Variants in FSD1 observed in about 807,000 individuals in gnomAD.
FSD1 encodes the protein fibronectin type III and SPRY domain containing 1.
In FSD1, 23 loss-of-function variants were observed where a neutral mutation model predicts 58.2. The ratio of observed to expected loss-of-function variants is 0.40; its 90% CI spans 0.28 to 0.56. The LOEUF (loss-of-function observed/expected upper bound fraction) is 0.56. FSD1 is among the 20% of genes least tolerant of loss of function. The pLI is 0.54. For missense variants in FSD1, 563 were observed against 670.8 expected (o/e 0.84, Z 1.78); for synonymous variants, 265 against 263.4 (o/e 1.01, Z -0.06).
intron 8 of FSD1, among the ~76,000 whole-genome samples, chr19:4,317,660 G>T (rs546363724): frequency 1.3e-5 from 2 of 152,286 alleles, no homozygotes; most frequent in East Asian, 3.9e-4. Context: ...CCCTTGTGCT[G>T]TAGCCCAGCC....
chr19:4,319,421 T>G (rs1971790600), intron 10 of FSD1, among the ~76,000 whole-genome samples: 1 of 152,168 alleles, frequency 6.6e-6, no homozygotes. Flanking sequence ...AGCATAAGAA[T>G]GATTGGATCC....
intron 10 of FSD1, among the ~76,000 whole-genome samples, chr19:4,321,514 G>C (rs1340737833): frequency 6.6e-6 from 1 of 151,282 alleles, no homozygotes; most frequent in Non-Finnish European, 1.5e-5. Flanking sequence ...GGACTGAGGA[G>C]TATCTGGGGG....
intron 9 of FSD1, 104 bp from the exon 10 acceptor site, chr19:4,318,768 A>T: frequency 1.1e-6 from 1 of 936,052 alleles, no homozygotes; most frequent in Non-Finnish European, 1.8e-6. Context: ...CCAGAGATTG[A>T]CCCAACATCC....
intron 10 of FSD1, among the ~76,000 whole-genome samples, chr19:4,319,456 G>A (rs1362508099): frequency 1.3e-5 from 2 of 152,170 alleles, no homozygotes; most frequent in Non-Finnish European, 2.9e-5. Flanking sequence ...TGGAGTTGGT[G>A]GAGGATGGGC....
At chr19:4,315,371 C>G (rs1379821292) in intron 7 of FSD1, among the ~76,000 whole-genome samples, 13 of 133,482 alleles carry the variant, frequency 9.7e-5, no homozygotes, top group Admixed American at 5.9e-4. Flanking sequence ...TGCAGTGGTG[C>G]TATCTCGGCT....
chr19:4,312,682 G>C (rs190223243), intron 7 of FSD1, among the ~76,000 whole-genome samples: 1 of 151,958 alleles, frequency 6.6e-6, no homozygotes, highest in Non-Finnish European at 1.5e-5. Context: ...GTGTGCACCT[G>C]TAGTCCCAGC....
intron 4 of FSD1, among the ~76,000 whole-genome samples, chr19:4,308,280 C>T (rs193183537): frequency 3.2e-3 from 481 of 152,152 alleles, no homozygotes; most frequent in Non-Finnish European, 4.9e-3. Flanking sequence ...TGGTGGTGGG[C>T]GCCTGTAATC....
intron 7 of FSD1, 91 bp from the exon 8 acceptor site, chr19:4,317,090 TG>T: frequency 1.3e-6 from 1 of 777,544 alleles, no homozygotes; most frequent in South Asian, 1.4e-5. Context: ...AGAATGGCGT[TG>T]GGAATCACTG....
chr19:4,306,220 A>C lies in FSD1; in HGVS notation c.134A>C (p.Glu45Ala). Residue 45 changes from glutamate to alanine, a missense_variant, in exon 3 of 13, where the codon GAG becomes GCG. By Grantham distance (107) the Glu-to-Ala change is moderately radical (BLOSUM62 -1). Coordinates refer to ENST00000221856, the MANE Select transcript of FSD1 (RefSeq NM_024333.3). ...CAGGCGAACTCGGCGAAGGTGCAGG[A>C]GGACCTCGAAGCAGAGTTCCAGTCC... ...NVEANSAKVQ[E>A]DLEAEFQSLF... The C allele has an allele frequency of 6.2e-7, 1 of 1,614,072 alleles. No individual in the cohort carries two copies. Among genetic ancestry groups the C allele is most frequent in the Non-Finnish European group, 8.5e-7 (1 of 1,179,986 alleles).
intron 4 of FSD1, 95 bp downstream of exon 4, chr19:4,308,078 A>T: frequency 1.1e-6 from 1 of 946,426 alleles, no homozygotes; most frequent in Non-Finnish European, 1.6e-6. Flanking sequence ...AGTATAGCCC[A>T]CCCATGCGAT....
chr19:4,310,995 G>C (rs12977296), intron 6 of FSD1: 13,739 of 167,408 alleles, frequency 0.082, 749 homozygotes, highest in Non-Finnish European at 0.11. Flanking sequence ...CTGTGGGGGT[G>C]GGGTATTCAT....
intron 3 of FSD1, 22 bp downstream of exon 3, chr19:4,306,351 C>G (rs372068480): frequency 6.5e-5 from 105 of 1,612,184 alleles, no homozygotes; most frequent in Non-Finnish European, 8.5e-5. Context: ...GGGCATCTTC[C>G]TCTCCCCCCG....
chr19:4,321,941 T>G (rs1462202431), intron 10 of FSD1, among the ~76,000 whole-genome samples: 2 of 138,716 alleles, frequency 1.4e-5, no homozygotes, highest in Admixed American at 1.4e-4. Context: ...AATAGCTGGG[T>G]CCCCAAGAAG....
At position 4,306,273 on chromosome 19, in the gene FSD1, G is replaced by A. The variant is rs369508403; in HGVS notation, c.187G>A (p.Glu63Lys). 8 of 1,614,026 alleles carry A rather than the reference G, an allele frequency of 5.0e-6. No homozygotes were observed. The African/African-American group carries it at 8.0e-5, about 16-fold the overall frequency. Residue 63 changes from glutamate (E) to lysine (K), a missense_variant, in exon 3 of 13, where the codon GAA (glutamate) becomes AAA (lysine). Physicochemically the swap from Glu to Lys is moderately conservative, Grantham distance 56. Transcript: ENST00000221856. ...SLFSLLEELK[E>K]GMLMKIKQDR... ...CTTCTCCCTCCTGGAGGAGCTGAAA[G>A]AAGGCATGCTTATGAAGATAAAACA... is the stretch of plus-strand genomic sequence containing the variant.
intron 10 of FSD1, 143 bp downstream of exon 10, chr19:4,319,094 C>T (rs1338604959): frequency 4.4e-6 from 3 of 676,542 alleles, no homozygotes; most frequent in African/African-American, 1.8e-5. Context: ...TGTTCTGGCA[C>T]TGCCCAAATG....
At position 4,323,372 on chromosome 19, in the gene FSD1, G is replaced by A. The variant is rs200289353; in HGVS notation, c.1316G>A (p.Arg439His). 266 of 1,613,322 alleles carry A rather than the reference G, an allele frequency of 1.6e-4. 1 individual carries two copies. The highest frequency in any genetic ancestry group is 1.3e-4 in the Non-Finnish European group (157 of 1,179,790). The change falls in exon 12 of 13, where the codon CGC (arginine) becomes CAC (histidine). Residue 439 changes from arginine (R) to histidine (H), a missense_variant. Arg to His is a conservative substitution (Grantham distance 29). Transcript: ENST00000221856. The surrounding 1 kb of genome is among the most constrained non-coding windows in gnomAD (Gnocchi z 7.7). ...HQGLLSFYNA[R>H]TKQVLHTFKT... ...GGCCTCCTGTCCTTCTACAATGCCC[G>A]CACCAAACAAGTGCTGCACACTTTC...
intron 1 of FSD1, 24 bp from the exon 2 acceptor site, chr19:4,305,922 G>C (rs1971615408): frequency 6.4e-7 from 1 of 1,569,422 alleles, no homozygotes; most frequent in Non-Finnish European, 8.8e-7. Context: ...GCACCTGTGT[G>C]TGTCCACACT....
intron 10 of FSD1, 28 bp downstream of exon 10, chr19:4,318,979 G>A: frequency 6.3e-7 from 1 of 1,575,810 alleles, no homozygotes; most frequent in East Asian, 2.2e-5. Context: ...AAAGGGGAGA[G>A]GGGAGTTTTG....
rs143436003 is a variant in FSD1, at chr19:4,309,371, T to A, written c.346-902T>A. ...ATTTGTGTGAGTATATCCCAAAGAG[T>A]GCATGGGACATAGTCATGATTTATC... On this transcript the variant is annotated intron_variant, in intron 4 of 12. Coordinates refer to ENST00000221856, the MANE Select transcript of FSD1 (RefSeq NM_024333.3). Among the ~76,000 whole-genome samples, 241 of 152,182 alleles carry A rather than the reference T, an allele frequency of 1.6e-3. 2 individuals are homozygous for A. The highest frequency in any genetic ancestry group is 0.012 in the Admixed American group (183 of 15,270).
Sources: allele counts gnomAD v4.1 joint callset (sites outside exome capture counted in the v4.1 genomes callset), GRCh38; gene constraint gnomAD v4.1.1; non-coding constraint Gnocchi (gnomAD v3.1); transcripts MANE v1.5; gene names NCBI Gene and HGNC (gene_info 2026-07-23, HGNC 2026-07-21).